MICAL2: variants seen among roughly 807,000 people sequenced by gnomAD.
MICAL2 encodes the protein [F-actin]-monooxygenase MICAL2.
In MICAL2, 77 loss-of-function variants were observed where a neutral mutation model predicts 127.3. The observed-to-expected ratio is 0.60, with a 90% confidence interval of 0.50 to 0.73. The LOEUF (loss-of-function observed/expected upper bound fraction) is 0.73. Ranked by LOEUF, MICAL2 falls within the 30% of genes least tolerant of loss-of-function variation. The probability of loss-of-function intolerance (pLI) is 0.00; values close to 1 mark genes in which losing one functional copy is unlikely to be tolerated. For synonymous variants in MICAL2, 570 were observed against 551.1 expected (o/e 1.03, Z -0.48); for missense variants, 1,351 against 1,434.4 (o/e 0.94, Z 0.94).
chr11:12,275,216 G>A (rs540012617), upstream of MICAL2, among the ~76,000 whole-genome samples: 18 of 152,304 alleles, frequency 1.2e-4, no homozygotes, highest in African/African-American at 4.3e-4. Context: ...TGGAGAAGAT[G>A]AAGAACTCTG....
chr11:12,171,849 T>C (rs1165275459), intron 3 of MICAL2, among the ~76,000 whole-genome samples: 1 of 152,228 alleles, frequency 6.6e-6, no homozygotes, highest in Non-Finnish European at 1.5e-5. Flanking sequence ...TTTAGAAATA[T>C]AAAGACGTGT....
intron 32 of MICAL2, among the ~76,000 whole-genome samples, chr11:12,334,536 G>T (rs912402237): frequency 1.9e-4 from 28 of 150,918 alleles, no homozygotes; most frequent in Non-Finnish European, 3.5e-4. Flanking sequence ...GTGCCATGTT[G>T]GTGTGCTGCA....
chr11:12,329,687 T>A (rs1864392420), intron 32 of MICAL2, among the ~76,000 whole-genome samples: 1 of 152,160 alleles, frequency 6.6e-6, no homozygotes, highest in Non-Finnish European at 1.5e-5. Flanking sequence ...TACCGGAGTA[T>A]TGCCTAGGTT....
intron 1 of MICAL2, among the ~76,000 whole-genome samples, chr11:12,122,702 C>A (rs536541164): frequency 1.3e-5 from 2 of 152,338 alleles, no homozygotes; most frequent in Non-Finnish European, 2.9e-5. Flanking sequence ...AGCCACCGCG[C>A]CTGGCCTGCC....
intron 33 of MICAL2, chr11:12,354,674 C>T (rs551268180): frequency 2.5e-5 from 20 of 793,670 alleles, no homozygotes; most frequent in Non-Finnish European, 4.0e-5. Flanking sequence ...GCTAAAACTC[C>T]AGTCTTAATT....
downstream of MICAL2, among the ~76,000 whole-genome samples, chr11:12,295,264 C>T (rs535405096): frequency 2.1e-4 from 32 of 151,898 alleles, no homozygotes; most frequent in Middle Eastern, 3.4e-3. Context: ...CTCAGCCTCC[C>T]AAGTAGCTGG....
intron 2 of MICAL2, among the ~76,000 whole-genome samples, chr11:12,286,066 C>A (rs1863823485): frequency 6.6e-6 from 1 of 152,228 alleles, no homozygotes; most frequent in African/African-American, 2.4e-5. Flanking sequence ...CACTCTCACA[C>A]CCTAAGTGAC....
chr11:12,222,866 G>GGA, intron 11 of MICAL2, 123 bp downstream of exon 11: 1 of 1,232,792 alleles, frequency 8.1e-7, no homozygotes, highest in Non-Finnish European at 1.1e-6. Flanking sequence ...AGGCCTGCTG[G>GGA]CCTAATGGTG....
chr11:12,312,090 A>G (rs983222924), intron 29 of MICAL2, among the ~76,000 whole-genome samples: 1 of 151,612 alleles, frequency 6.6e-6, no homozygotes, highest in Non-Finnish European at 1.5e-5. Flanking sequence ...ATAATACTCT[A>G]TGGGACTTCT....
intron 7 of MICAL2, among the ~76,000 whole-genome samples, chr11:12,214,501 G>C (rs1855902702): frequency 6.6e-6 from 1 of 152,162 alleles, no homozygotes; most frequent in Non-Finnish European, 1.5e-5. Flanking sequence ...ACTTTTAGGG[G>C]CTGTGGAATA....
In MICAL2 at chr11:12,213,263, A is replaced by G. The variant is rs1436560855; in HGVS notation, c.700A>G (p.Arg234Gly). The change falls in exon 7 of 28, where the codon AGA becomes GGA. Residue 234 changes from arginine to glycine, a missense_variant. Coordinates refer to ENST00000683283, the MANE Select transcript of MICAL2 (RefSeq NM_001282663.2). ...GRRNTLEGFR[R>G]KEFRGKLAIA... ...CATTTCTCCTCATGCAGGGTTCAGA[A>G]GAAAAGAATTCCGTGGGAAGCTGGC... The G allele has an allele frequency of 6.2e-7, 1 of 1,611,970 alleles. No homozygotes were observed. The highest frequency in any genetic ancestry group is 8.5e-7 in the Non-Finnish European group (1 of 1,178,974).
chr11:12,126,820 G>A (rs917190050), intron 1 of MICAL2, among the ~76,000 whole-genome samples: 9 of 152,148 alleles, frequency 5.9e-5, no homozygotes, highest in Admixed American at 1.3e-4. Context: ...AGGAGGCAGC[G>A]GTGGGTGTGG....
At chr11:12,135,066 C>A (rs1290372137) in intron 1 of MICAL2, among the ~76,000 whole-genome samples, 1 of 152,130 alleles carries the variant, frequency 6.6e-6, no homozygotes, top group Non-Finnish European at 1.5e-5. Context: ...GGAATTTGGC[C>A]TGGCCTGGAG....
intron 29 of MICAL2, among the ~76,000 whole-genome samples, chr11:12,313,096 A>G (rs960787941): frequency 7.5e-6 from 1 of 133,650 alleles, no homozygotes; most frequent in Admixed American, 9.0e-5. Flanking sequence ...TGAACCGGAG[A>G]GGCGGAGCTT....
At chr11:12,246,077 T>C (rs940444131) in intron 21 of MICAL2, among the ~76,000 whole-genome samples, 5 of 152,236 alleles carry the variant, frequency 3.3e-5, no homozygotes, top group African/African-American at 4.8e-5. Flanking sequence ...GTGGTCACTG[T>C]TGGGGCCAAA....
chr11:12,205,339 G>A (rs1005065432), intron 4 of MICAL2, among the ~76,000 whole-genome samples: 1 of 152,140 alleles, frequency 6.6e-6, no homozygotes, highest in Non-Finnish European at 1.5e-5. Context: ...GAACAACACA[G>A]GTTTGAACTG....
chr11:12,147,638 C>T (rs909294203), intron 2 of MICAL2, among the ~76,000 whole-genome samples: 4 of 152,200 alleles, frequency 2.6e-5, no homozygotes, highest in African/African-American at 7.2e-5. Context: ...AGCCAAATGG[C>T]GTGGTCTGTG....
At chr11:12,333,803 T>C (rs1938694473) in intron 32 of MICAL2, among the ~76,000 whole-genome samples, 1 of 151,958 alleles carries the variant, frequency 6.6e-6, no homozygotes, top group South Asian at 2.1e-4. Context: ...TACCTAGGAG[T>C]AAATCTAGCA....
intron 32 of MICAL2, among the ~76,000 whole-genome samples, chr11:12,340,894 A>G (rs556359172): frequency 3.3e-5 from 5 of 152,240 alleles, no homozygotes; most frequent in Non-Finnish European, 5.9e-5. Context: ...GGGAAAGATT[A>G]GAATTTTTAT....
Sources: allele counts gnomAD v4.1 joint callset (sites outside exome capture counted in the v4.1 genomes callset), GRCh38; gene constraint gnomAD v4.1.1; transcripts MANE v1.5; gene names NCBI Gene and HGNC (gene_info 2026-07-23, HGNC 2026-07-21).